The following CSMD2 variants were observed in gnomAD, a reference collection of about 807,000 sequenced individuals.
The protein encoded by CSMD2 is CUB and Sushi multiple domains 2, also known as CUB and sushi domain-containing protein 2.
Under a neutral mutation model 398.5 loss-of-function variants are expected in CSMD2, and 130 were observed. The ratio of observed to expected loss-of-function variants is 0.33; its 90% CI spans 0.28 to 0.38. The LOEUF (loss-of-function observed/expected upper bound fraction) is 0.38. Ranked by LOEUF, CSMD2 falls within the 10% of genes least tolerant of loss-of-function variation. The pLI, the probability that CSMD2 is intolerant of heterozygous loss-of-function variation, is 1.00. For missense variants in CSMD2, 3,829 were observed against 4,764.9 expected, an observed-to-expected ratio of 0.80 and a Z score of 5.78; for synonymous variants, 1,828 against 1,908.5, an observed-to-expected ratio of 0.96 and a Z score of 1.10.
chr1:33,790,796 C>G (rs114335327), intron 11 of CSMD2, among the ~76,000 whole-genome samples: 70 of 130,516 alleles, frequency 5.4e-4, no homozygotes, highest in African/African-American at 2.0e-3. Context: ...TCTATCATCT[C>G]TCTAATATCT....
chr1:33,552,584 A>G (rs28445343), intron 55 of CSMD2, among the ~76,000 whole-genome samples: 25,017 of 152,278 alleles, frequency 0.16, 2,577 homozygotes, highest in East Asian at 0.35. Context: ...GTATATTCAT[A>G]CCATGAAATA....
At chr1:33,832,185 C>A (rs1659659976) in intron 6 of CSMD2, among the ~76,000 whole-genome samples, 1 of 148,666 alleles carries the variant, frequency 6.7e-6, no homozygotes. Context: ...ACAGAACTCT[C>A]CACCCCAAAT....
At chr1:33,788,046 TG>T in intron 12 of CSMD2, among the ~76,000 whole-genome samples, 1 of 152,208 alleles carries the variant, frequency 6.6e-6, no homozygotes, top group South Asian at 2.1e-4. Flanking sequence ...AGGTATGAAT[TG>T]GGGATGGAAC....
At chr1:33,569,237 A>G (rs1426667810) in intron 52 of CSMD2, 137 bp downstream of exon 52, 3 of 883,120 alleles carry the variant, frequency 3.4e-6, no homozygotes, top group Admixed American at 6.3e-5. Context: ...CTGATGGCCA[A>G]TAGTTGGTGT....
At chr1:33,542,435 T>C (rs1656438786) in intron 58 of CSMD2, among the ~76,000 whole-genome samples, 2 of 152,376 alleles carry the variant, frequency 1.3e-5, no homozygotes, top group Non-Finnish European at 2.9e-5. Context: ...TCTGCCTCTC[T>C]GAGCCTCAGC....
At chr1:33,662,821 G>A (rs1369411227) in intron 26 of CSMD2, 69 bp downstream of exon 26, 3 of 1,364,646 alleles carry the variant, frequency 2.2e-6, no homozygotes, top group Non-Finnish European at 3.1e-6. Context: ...AGGAAAGTGA[G>A]GGCCAGAGGA....
chr1:33,538,639 G>A (rs540930372), intron 60 of CSMD2, among the ~76,000 whole-genome samples: 20 of 152,320 alleles, frequency 1.3e-4, no homozygotes, highest in African/African-American at 4.1e-4. Context: ...GGAAGTTACT[G>A]TATCCAGAAG....
rs546236150 is a variant in CSMD2 at position 33,514,236 on chromosome 1, C to A, written c.*2388G>T. The A allele has an allele frequency of 6.0e-5, 9 of 150,950 alleles. No homozygotes were observed. Among genetic ancestry groups the A allele is most frequent in the Admixed American group, 5.3e-4 (8 of 15,140 alleles). The allele number at this position is 150,950 out of a possible 1,614,324, so 9.4% of individuals were successfully genotyped here. A position where few individuals can be genotyped will look rare whatever the true frequency, so the allele number is the denominator to read the frequency against. Reference sequence around the variant, plus strand: ...CATTTTATTACATTTACAAAAAAGGCTTCCACTACCGTTTACCTACAATAA... The same window carrying A: ...CATTTTATTACATTTACAAAAAAGGATTCCACTACCGTTTACCTACAATAA... On this transcript the variant is annotated 3_prime_UTR_variant, in exon 71 of 71. Transcript: ENST00000373381.
chr1:33,618,347 G>A (rs1176403360), intron 37 of CSMD2, among the ~76,000 whole-genome samples: 1 of 151,938 alleles, frequency 6.6e-6, no homozygotes, highest in Admixed American at 6.6e-5. Context: ...GCACTCACAG[G>A]CAACTCGTGT....
At chr1:34,026,554 G>A (rs1440269838) in intron 3 of CSMD2, among the ~76,000 whole-genome samples, 1 of 152,214 alleles carries the variant, frequency 6.6e-6, no homozygotes, top group Non-Finnish European at 1.5e-5. Context: ...CTTCACAAAA[G>A]TGTCAGAGTG....
chr1:34,092,544 G>A (rs1023045422), intron 1 of CSMD2, among the ~76,000 whole-genome samples: 2 of 152,156 alleles, frequency 1.3e-5, no homozygotes, highest in Non-Finnish European at 2.9e-5. Flanking sequence ...CAGGTCAGTG[G>A]GTGCGCGCAC....
intron 2 of CSMD2, among the ~76,000 whole-genome samples, chr1:34,072,368 C>T (rs931072030): frequency 1.3e-5 from 2 of 152,122 alleles, no homozygotes; most frequent in Non-Finnish European, 2.9e-5. Context: ...CACCAGGGTC[C>T]CTTGAAGAGC....
chr1:33,804,143 T>C (rs1655946424), intron 10 of CSMD2, among the ~76,000 whole-genome samples: 1 of 152,254 alleles, frequency 6.6e-6, no homozygotes, highest in Non-Finnish European at 1.5e-5. Flanking sequence ...ATCATTCATA[T>C]AGACAGCTTA....
intron 2 of CSMD2, among the ~76,000 whole-genome samples, chr1:34,053,166 A>C (rs1653411227): frequency 6.6e-6 from 1 of 152,156 alleles, no homozygotes; most frequent in Admixed American, 6.5e-5. Flanking sequence ...ACACACCATC[A>C]ATCATCTCTC....
chr1:34,163,554 C>G lies in CSMD2; in HGVS notation c.187+1357G>C, dbSNP rs1331272314. ...AGTGGGCCAGAGAGCTCGCCACTCA[C>G]TGACCTGCCAGAGGAGAGGCGCACT... On this transcript the variant is annotated intron_variant, in intron 1 of 70. Coordinates refer to ENST00000373381, the MANE Select transcript of CSMD2 (RefSeq NM_001281956.2). This position sits in a 1 kb window ranked among gnomAD's most constrained non-coding sequence, Gnocchi z 5.4. 6.6e-6 allele frequency among the ~76,000 whole-genome samples: 1 copy of G among 152,344 alleles called. No homozygotes were observed. The highest frequency in any genetic ancestry group is 3.4e-3 in the Middle Eastern group (1 of 294).
chr1:34,140,064 C>T (rs906627424), intron 1 of CSMD2, among the ~76,000 whole-genome samples: 1 of 152,106 alleles, frequency 6.6e-6, no homozygotes, highest in Non-Finnish European at 1.5e-5. Flanking sequence ...AAGTCCCTGA[C>T]CTCCTGAAGC....
chr1:33,520,072 G>T, intron 68 of CSMD2, 122 bp from the exon 69 acceptor site: 1 of 1,154,924 alleles, frequency 8.7e-7, no homozygotes, highest in Non-Finnish European at 1.2e-6. Context: ...CCTCACTCCT[G>T]CTCAGCACGG....
rs1210396055 is a variant in CSMD2 at position 33,559,189 on chromosome 1, ATC to A, written c.8554+109_8554+110del. 9.0e-6 allele frequency: 9 copies of A among 1,004,996 alleles called. No individual in the cohort carries two copies. The highest frequency in any genetic ancestry group is 1.3e-5 in the Non-Finnish European group (9 of 694,440). 62.3% of individuals were successfully genotyped at this position (1,004,996 alleles called of 1,614,324 possible). The stretch of plus-strand genomic sequence containing the variant: ...GACCCTTCTCTGCTCCATCTTCCCT[ATC>A]TGGATCAGAATGATGCCAGAATGAA... On this transcript the variant is annotated intron_variant, in intron 54 of 70. Transcript: ENST00000373381. The surrounding 1 kb of genome is among the most constrained non-coding windows in gnomAD (Gnocchi z 4.0).
intron 3 of CSMD2, among the ~76,000 whole-genome samples, chr1:33,954,237 T>A (rs1645094212): frequency 6.6e-6 from 1 of 152,102 alleles, no homozygotes; most frequent in Non-Finnish European, 1.5e-5. Context: ...ATGAACTAAC[T>A]TGCCCTAGGT....
Sources: allele counts gnomAD v4.1 joint callset (sites outside exome capture counted in the v4.1 genomes callset), GRCh38; gene constraint gnomAD v4.1.1; non-coding constraint Gnocchi (gnomAD v3.1); transcripts MANE v1.5; gene names NCBI Gene and HGNC (gene_info 2026-07-23, HGNC 2026-07-21).